The following FLT4 variants were observed in gnomAD, a reference collection of about 807,000 sequenced individuals.
FLT4 encodes fms related receptor tyrosine kinase 4, also known as vascular endothelial growth factor receptor 3.
In FLT4, 30 loss-of-function variants were observed where a neutral mutation model predicts 163.2. The observed-to-expected ratio is 0.18, with a 90% CI of 0.14 to 0.25. The LOEUF is 0.25. Ranked by LOEUF, FLT4 falls within the 10% of genes least tolerant of loss-of-function variation. The pLI is 1.00. For missense variants in FLT4, 1,510 were observed against 1,863.8 expected, an observed-to-expected ratio of 0.81 and a Z score of 3.50; for synonymous variants, 884 against 789.5, an observed-to-expected ratio of 1.12 and a Z score of -2.01.
Position 180,626,396 on chromosome 5 carries a change from C to T in FLT4, c.1104-131G>A, listed in dbSNP as rs1261898925. On this transcript the variant is annotated intron_variant, in intron 8 of 29. Coordinates refer to ENST00000261937, the MANE Select transcript of FLT4 (RefSeq NM_182925.5). Reference sequence around the variant, plus strand: ...GGAGTGCAGGGTAGGACGGGGAACACTGGTCTGCGAGGGGATGGTCTAAGT... The same window carrying T: ...GGAGTGCAGGGTAGGACGGGGAACATTGGTCTGCGAGGGGATGGTCTAAGT... The T allele has an allele frequency of 1.9e-5, 18 of 967,284 alleles. No homozygotes were observed. In the Admixed American group the frequency reaches 3.4e-4, roughly 18 times the overall value. The allele number at this position is 967,284 out of a possible 1,614,324, so 59.9% of individuals were successfully genotyped here. A position where few individuals can be genotyped will look rare whatever the true frequency, so the allele number is the denominator to read the frequency against.
At chr5:180,610,779 C>T (rs1221684718) in intron 27 of FLT4, among the ~76,000 whole-genome samples, 2 of 152,190 alleles carry the variant, frequency 1.3e-5, no homozygotes, top group African/African-American at 4.8e-5. Flanking sequence ...GTACGCTTGC[C>T]GGGCGCAGTG....
chr5:180,611,037 A>G (rs1320659500), intron 27 of FLT4, among the ~76,000 whole-genome samples: 7 of 152,222 alleles, frequency 4.6e-5, no homozygotes, highest in African/African-American at 1.4e-4. Context: ...AGCCTGGGCG[A>G]CAGAGCGAGA....
At position 180,623,931 on chromosome 5, in the gene FLT4, G is replaced by A. The variant is rs1763387132; in HGVS notation, c.1548+4C>T. On this transcript the variant is annotated splice_donor_region_variant and intron_variant, in intron 11 of 29. Transcript: ENST00000261937. The surrounding 1 kb of genome is among the most constrained non-coding windows in gnomAD (Gnocchi z 5.8). The stretch of plus-strand genomic sequence containing the variant: ...GGGCACTCAGCAGCGCGGCTGGCCT[G>A]TACCTTATTCTTTCCCTCCACAAAC... 5 of 1,613,372 alleles carry A rather than the reference G, an allele frequency of 3.1e-6. No individual in the cohort carries two copies. Among genetic ancestry groups the A allele is most frequent in the Non-Finnish European group, 4.2e-6 (5 of 1,179,974 alleles).
rs1207255166 is a variant in FLT4 at position 180,629,076 on chromosome 5, TGCAGCCCCG to T, written c.986-86_986-78del. On this transcript the variant is annotated intron_variant, in intron 7 of 29. Transcript: ENST00000261937. ...GACCAGGGACTCCCCCCACGGCCCCTGCAGCCCCGGCAGCCGGACATCCGCAGACTGGGG... is the reference window on the plus strand; with the variant it reads ...GACCAGGGACTCCCCCCACGGCCCCTGCAGCCGGACATCCGCAGACTGGGG... 8 of 1,475,332 alleles carry T rather than the reference TGCAGCCCCG, an allele frequency of 5.4e-6. No individual in the cohort carries two copies. In the East Asian group the frequency reaches 1.8e-4, roughly 33 times the overall value. The allele number at this position is 1,475,332 out of a possible 1,614,324, so 91.4% of individuals were successfully genotyped here.
At chr5:180,607,705 TAATAC>T (rs1430607813) in intron 29 of FLT4, among the ~76,000 whole-genome samples, 1 of 151,792 alleles carries the variant, frequency 6.6e-6, no homozygotes, top group African/African-American at 2.4e-5. Context: ...AGAATAGTCA[TAATAC>T]AAATTAGATA....
At chr5:180,616,510 AG>A (rs1430932906) in intron 22 of FLT4, 21 bp from the exon 23 acceptor site, 3 of 1,613,048 alleles carry the variant, frequency 1.9e-6, no homozygotes, top group Admixed American at 3.3e-5. Flanking sequence ...GGGAGGCGGC[AG>A]GGGGGCTGTC....
At chr5:180,629,596 G>A in intron 6 of FLT4, 100 bp downstream of exon 6, 1 of 1,492,230 alleles carries the variant, frequency 6.7e-7, no homozygotes, top group Non-Finnish European at 9.2e-7. Flanking sequence ...CCCTGGGGCA[G>A]GCCTGGGCCC....
chr5:180,629,433 C>T lies in FLT4; in HGVS notation c.817-6G>A, dbSNP rs1442520214. 1.9e-6 allele frequency: 3 copies of T among 1,610,488 alleles called. No homozygotes were observed. The highest frequency in any genetic ancestry group is 1.7e-5 in the Admixed American group (1 of 60,028). ...ACCCACTTACCCCGCTCTGCCTGCC[C>T]GCACCCAGGGAAGCCCCGCGTCAGC... On this transcript the variant is annotated splice_region_variant and splice_polypyrimidine_tract_variant and intron_variant, in intron 6 of 29. Transcript: ENST00000261937.
chr5:180,641,334 A>G (rs1226257891), intron 1 of FLT4, among the ~76,000 whole-genome samples: 4 of 152,192 alleles, frequency 2.6e-5, no homozygotes, highest in Non-Finnish European at 5.9e-5. Flanking sequence ...GGGATTATCC[A>G]TCAGCTTGGG....
intron 29 of FLT4, chr5:180,608,089 C>T: frequency 1.4e-6 from 1 of 700,420 alleles, no homozygotes. Flanking sequence ...GGAGGCCTAA[C>T]CCCTCCCTGT....
In FLT4 at chr5:180,603,179, T is replaced by C; in HGVS notation, c.*13A>G. Reference sequence around the variant, plus strand: ...CTGAACCCCCAAGTGCTGGGGGTCTTGTCCGATGCTGCTTAGTAGCTGTTG... The same window carrying C: ...CTGAACCCCCAAGTGCTGGGGGTCTCGTCCGATGCTGCTTAGTAGCTGTTG... On this transcript the variant is annotated 3_prime_UTR_variant, in exon 30 of 30. Transcript: ENST00000261937. 6.2e-7 allele frequency: 1 copy of C among 1,613,494 alleles called. No individual in the cohort carries two copies. The highest frequency in any genetic ancestry group is 8.5e-7 in the Non-Finnish European group (1 of 1,179,894).
rs545758979 is a variant in FLT4, at chr5:180,609,705, G to A, written c.3807+200C>T. Reference sequence around the variant, plus strand: ...AGGGGAGGCCTCGTGTGGGGGTGACGAGGGCATAGGACAGAAAGCAGCTGT... The same window carrying A: ...AGGGGAGGCCTCGTGTGGGGGTGACAAGGGCATAGGACAGAAAGCAGCTGT... On this transcript the variant is annotated intron_variant, in intron 28 of 29. Transcript: ENST00000261937. The A allele has an allele frequency of 6.3e-5, 39 of 622,882 alleles. No homozygotes were observed. The East Asian group carries it at 8.4e-4, about 13-fold the overall frequency. 38.6% of individuals were successfully genotyped at this position (622,882 alleles called of 1,614,324 possible).
Position 180,618,236 on chromosome 5 carries a change from G to A in FLT4, c.3001+534C>T, listed in dbSNP as rs866024393. Among the ~76,000 whole-genome samples the A allele has an allele frequency of 2.3e-3, 226 of 96,700 alleles. 3 individuals are homozygous for A. Among genetic ancestry groups the A allele is most frequent in the African/African-American group, 7.8e-3 (193 of 24,788 alleles). The allele number at this position is 96,700 out of a possible 152,430, so 63.4% of individuals were successfully genotyped here. On this transcript the variant is annotated intron_variant, in intron 21 of 29. Coordinates refer to ENST00000261937, the MANE Select transcript of FLT4 (RefSeq NM_182925.5). Reference sequence around the variant, plus strand: ...GGGACACCCACGTCCTACTCCCAGAGCACCCTCTCCTGCCCCTCAGCCTCT... The same window carrying A: ...GGGACACCCACGTCCTACTCCCAGAACACCCTCTCCTGCCCCTCAGCCTCT...
rs1762195064 is a variant in FLT4 at position 180,611,543 on chromosome 5, CCACCCTCAGCCCT to C, written c.3538-77_3538-65del. ...CAGCCACTGCCCTCAGCCCTCGCCCCCACCCTCAGCCCTCACCCCCGCCCTCAGCCCTCACCCC... is the reference window on the plus strand; with the variant it reads ...CAGCCACTGCCCTCAGCCCTCGCCCCCACCCCCGCCCTCAGCCCTCACCCC... On this transcript the variant is annotated intron_variant, in intron 26 of 29. Coordinates refer to ENST00000261937, the MANE Select transcript of FLT4 (RefSeq NM_182925.5). The C allele has an allele frequency of 1.9e-5, 29 of 1,548,430 alleles. No homozygotes were observed. In the Admixed American group the frequency reaches 5.1e-4, roughly 27 times the overall value.
At chr5:180,624,168 G>A (rs979826152) in intron 10 of FLT4, 107 bp from the exon 11 acceptor site, 3 of 1,343,872 alleles carry the variant, frequency 2.2e-6, no homozygotes, top group Non-Finnish European at 3.1e-6. Context: ...TCTCATATGG[G>A]GTCGTGGGCG....
chr5:180,645,887 G>C (rs1362432223), intron 1 of FLT4, among the ~76,000 whole-genome samples: 6 of 152,146 alleles, frequency 3.9e-5, no homozygotes. Context: ...GGGTGTGAGA[G>C]GCTCTCCAGA....
Position 180,603,394 on chromosome 5 carries a change from C to T in FLT4, c.3894-4G>A, listed in dbSNP as rs752599369. ...ATTCTGGCCAGGTCCTTTACAGCTG[C>T]CAAGACAGGGAAGGTGGTGTTAGTA... is the stretch of plus-strand genomic sequence containing the variant. On this transcript the variant is annotated splice_region_variant and splice_polypyrimidine_tract_variant and intron_variant, in intron 29 of 29. Coordinates refer to ENST00000261937, the MANE Select transcript of FLT4 (RefSeq NM_182925.5). 8.1e-6 allele frequency: 13 copies of T among 1,613,430 alleles called. No individual in the cohort carries two copies. The African/African-American group carries it at 1.2e-4, about 15-fold the overall frequency.
chr5:180,607,343 A>G (rs1761856180), intron 29 of FLT4, among the ~76,000 whole-genome samples: 1 of 152,152 alleles, frequency 6.6e-6, no homozygotes, highest in Non-Finnish European at 1.5e-5. Context: ...TCAGTATAAT[A>G]AAGAAAACAG....
In FLT4 at chr5:180,616,448, C is replaced by T. The variant is rs543013937; in HGVS notation, c.3138G>A (p.Ser1046=). ...RDLAARNILL[S]ESDVVKICDF... is the part of the protein sequence containing the mutation. ...CACAGATCTTCACCACGTCGCTTTC[C>T]GACAGCAGAATGTTCCGAGCAGCCA... Residue 1046 remains serine, a synonymous_variant, in exon 23 of 30, where the codon TCG becomes TCA. Transcript: ENST00000261937. The T allele has an allele frequency of 6.2e-6, 10 of 1,613,946 alleles. No homozygotes were observed. Among genetic ancestry groups the T allele is most frequent in the Admixed American group, 5.0e-5 (3 of 60,022 alleles).
Sources: allele counts gnomAD v4.1 joint callset (sites outside exome capture counted in the v4.1 genomes callset), GRCh38; gene constraint gnomAD v4.1.1; non-coding constraint Gnocchi (gnomAD v3.1); transcripts MANE v1.5; gene names NCBI Gene and HGNC (gene_info 2026-07-23, HGNC 2026-07-21).